KCNT1: variants seen among roughly 807,000 people sequenced by gnomAD.
KCNT1 encodes potassium sodium-activated channel subfamily T member 1, also known as potassium channel subfamily T member 1.
A neutral mutation model predicts 147.8 loss-of-function variants in KCNT1; 78 were observed. That is an observed-to-expected ratio of 0.53 (90% CI 0.44 to 0.64). The LOEUF (loss-of-function observed/expected upper bound fraction) is 0.64. KCNT1 is among the 30% of genes least tolerant of loss of function. The probability of loss-of-function intolerance (pLI) is 0.00; values close to 1 mark genes in which losing one functional copy is unlikely to be tolerated. For synonymous variants in KCNT1, 867 were observed against 748.8 expected, an observed-to-expected ratio of 1.16 and a Z score of -2.58; for missense variants, 1,419 against 1,750.3, an observed-to-expected ratio of 0.81 and a Z score of 3.38.
At chr9:135,754,618 C>T (rs1831370769) in intron 5 of KCNT1, among the ~76,000 whole-genome samples, 1 of 152,212 alleles carries the variant, frequency 6.6e-6, no homozygotes. Context: ...TGCAGCCATG[C>T]CCCTGCCTGT....
chr9:135,728,398 G>A (rs1223595525), intron 2 of KCNT1, among the ~76,000 whole-genome samples: 2 of 152,222 alleles, frequency 1.3e-5, no homozygotes, highest in East Asian at 1.9e-4. Context: ...GCAGAAAAGA[G>A]CCAGCGGCCA....
At chr9:135,783,131 C>T (rs1833733806) in intron 24 of KCNT1, among the ~76,000 whole-genome samples, 1 of 152,224 alleles carries the variant, frequency 6.6e-6, no homozygotes, top group Admixed American at 6.5e-5. Flanking sequence ...GAGAGTTGGC[C>T]ACGGCCGGGT....
Position 135,786,177 on chromosome 9 carries a change from CCCT to C in KCNT1, c.3178-19_3178-17del. On this transcript the variant is annotated splice_polypyrimidine_tract_variant and intron_variant, in intron 28 of 30. Coordinates refer to ENST00000371757, the MANE Select transcript of KCNT1 (RefSeq NM_020822.3). Reference sequence around the variant, plus strand: ...GGCAGCCTCACCCCTCCCCGCCCTGCCCTGCCCTGCCCTGCCCAGTCCCAGATC... The same window carrying C: ...GGCAGCCTCACCCCTCCCCGCCCTGCGCCCTGCCCTGCCCAGTCCCAGATC... 2 of 1,577,598 alleles carry C rather than the reference CCCT, an allele frequency of 1.3e-6. No homozygotes were observed. The highest frequency in any genetic ancestry group is 1.7e-5 in the Admixed American group (1 of 57,152).
At chr9:135,757,600 G>A (rs1051651103) in intron 9 of KCNT1, among the ~76,000 whole-genome samples, 4 of 152,210 alleles carry the variant, frequency 2.6e-5, no homozygotes, top group African/African-American at 9.6e-5. Flanking sequence ...CAATCCCAGA[G>A]CTTTTCCTAA....
intron 10 of KCNT1, among the ~76,000 whole-genome samples, chr9:135,759,388 C>T (rs966516473): frequency 2.0e-5 from 3 of 148,822 alleles, no homozygotes; most frequent in Admixed American, 6.6e-5. Context: ...GAGAGCCACC[C>T]GGCAGGCAGG....
intron 19 of KCNT1, among the ~76,000 whole-genome samples, chr9:135,774,293 T>G (rs534801090): frequency 0.013 from 1,851 of 146,870 alleles, 34 homozygotes; most frequent in African/African-American, 0.042. Flanking sequence ...GTGTTGTGTG[T>G]GGTGTGTGTG....
chr9:135,703,984 C>T (rs1378167627), intron 1 of KCNT1, among the ~76,000 whole-genome samples: 1 of 152,260 alleles, frequency 6.6e-6, no homozygotes, highest in African/African-American at 2.4e-5. Flanking sequence ...TGTCAGGCGT[C>T]AGGCTTGGGG....
chr9:135,784,522 C>G lies in KCNT1; in HGVS notation c.2944-13C>G. On this transcript the variant is annotated splice_polypyrimidine_tract_variant and intron_variant, in intron 25 of 30. Transcript: ENST00000371757. ...CCCTCCCTCCCTCCCTCCCTCCCTC[C>G]CTCCCTGGCCAGTCCTTCGTGAAGG... 6.0e-6 allele frequency: 5 copies of G among 831,162 alleles called. No individual in the cohort carries two copies. The highest frequency in any genetic ancestry group is 9.1e-6 in the Non-Finnish European group (5 of 549,986). The allele number at this position is 831,162 out of a possible 1,614,324, so 51.5% of individuals were successfully genotyped here. A position where few individuals can be genotyped will look rare whatever the true frequency, so the allele number is the denominator to read the frequency against.
At chr9:135,772,538 C>CT (rs1366864338) in intron 18 of KCNT1, among the ~76,000 whole-genome samples, 177 bp from the exon 19 acceptor site, 3 of 152,236 alleles carry the variant, frequency 2.0e-5, no homozygotes, top group African/African-American at 7.2e-5. Flanking sequence ...CCAGAGGCCA[C>CT]TGTCCCTGTT....
chr9:135,745,908 G>T (rs549357401), intron 2 of KCNT1, among the ~76,000 whole-genome samples: 2 of 152,302 alleles, frequency 1.3e-5, no homozygotes, highest in South Asian at 4.1e-4. Context: ...AACCTCTGCC[G>T]CAGCAAGGAG....
intron 1 of KCNT1, among the ~76,000 whole-genome samples, chr9:135,712,781 G>T (rs1588252828): frequency 6.6e-6 from 1 of 152,354 alleles, no homozygotes; most frequent in East Asian, 1.9e-4. Context: ...GTATTTTCAA[G>T]GTTTCTGGCT....
Position 135,778,694 on chromosome 9 carries a change from C to T in KCNT1, c.2601C>T (p.Asp867=), listed in dbSNP as rs1833360129. The T allele has an allele frequency of 6.2e-7, 1 of 1,613,062 alleles. No individual in the cohort carries two copies. The highest frequency in any genetic ancestry group is 8.5e-7 in the Non-Finnish European group (1 of 1,179,730). ...CCCTCGGTCCCGCCACCAGCCTGGA[C>T]AGCCTGCTGCAGTGTGGCATCATCT... The part of the protein sequence containing the change: ...YYMEGSVDNL[D]SLLQCGIIYA... The change falls in exon 23 of 31, where the codon GAC becomes GAT. Residue 867 remains aspartate (D), a synonymous_variant. Coordinates refer to ENST00000371757, the MANE Select transcript of KCNT1 (RefSeq NM_020822.3).
chr9:135,732,010 A>AGG (rs1554766165), intron 2 of KCNT1, among the ~76,000 whole-genome samples: 5,792 of 96,702 alleles, frequency 0.06, 611 homozygotes, highest in South Asian at 0.082. Flanking sequence ...AGAGAGAGAG[A>AGG]GAGAGAGAGA....
chr9:135,731,720 G>A (rs1334003626), intron 2 of KCNT1, among the ~76,000 whole-genome samples: 5 of 151,680 alleles, frequency 3.3e-5, no homozygotes, highest in African/African-American at 1.2e-4. Flanking sequence ...GCATGGGACC[G>A]TCATCCTCTG....
chr9:135,735,244 C>T (rs575027197), intron 2 of KCNT1, among the ~76,000 whole-genome samples: 8 of 152,360 alleles, frequency 5.3e-5, no homozygotes, highest in Non-Finnish European at 1.0e-4. Flanking sequence ...TACTCAGCCA[C>T]ATCGGGGAGG....
chr9:135,736,780 G>A (rs1830359742), intron 2 of KCNT1: 1 of 378,318 alleles, frequency 2.6e-6, no homozygotes, highest in Admixed American at 4.6e-5. Context: ...CAGCGACGTG[G>A]GCCAGAGGTA....
At chr9:135,779,946 T>C (rs1190436730) in intron 24 of KCNT1, among the ~76,000 whole-genome samples, 1 of 152,248 alleles carries the variant, frequency 6.6e-6, no homozygotes, top group East Asian at 1.9e-4. Flanking sequence ...GTATAACCAC[T>C]GCCTCCTTGT....
chr9:135,763,488 CGCCA>C (rs1832051787), intron 11 of KCNT1, among the ~76,000 whole-genome samples: 1 of 152,196 alleles, frequency 6.6e-6, no homozygotes, highest in African/African-American at 2.4e-5. Context: ...ATGTATCCTC[CGCCA>C]GCCCTGGAGG....
intron 24 of KCNT1, among the ~76,000 whole-genome samples, chr9:135,783,438 C>A (rs377512855): frequency 6.6e-6 from 1 of 152,226 alleles, no homozygotes; most frequent in East Asian, 1.9e-4. Flanking sequence ...CTGGATCCAG[C>A]CTGAGACACC....
Sources: allele counts gnomAD v4.1 joint callset (sites outside exome capture counted in the v4.1 genomes callset), GRCh38; gene constraint gnomAD v4.1.1; transcripts MANE v1.5; gene names NCBI Gene and HGNC (gene_info 2026-07-23, HGNC 2026-07-21).